Variants in AGBL4 observed in about 807,000 individuals in gnomAD.
AGBL4 encodes the protein cytosolic carboxypeptidase 6.
A neutral mutation model predicts 66.4 loss-of-function variants in AGBL4; 58 were observed. The ratio of observed to expected loss-of-function variants is 0.87; its 90% CI spans 0.71 to 1.09. The LOEUF is 1.09. Among genes scored for constraint, AGBL4 ranks in the 50% least tolerant of loss-of-function variants. The pLI, the probability that AGBL4 is intolerant of heterozygous loss-of-function variation, is 0.00. For missense variants in AGBL4, 579 were observed against 631.0 expected (o/e 0.92, Z 0.88); for synonymous variants, 234 against 222.9 (o/e 1.05, Z -0.44).
intron 1 of AGBL4, among the ~76,000 whole-genome samples, chr1:50,016,825 A>G (rs1662017663): frequency 1.3e-5 from 2 of 152,208 alleles, no homozygotes; most frequent in African/African-American, 4.8e-5. Flanking sequence ...AAAGGGGAAC[A>G]CATACACATA....
At chr1:49,084,372 A>G (rs1644860070) in intron 4 of AGBL4, among the ~76,000 whole-genome samples, 1 of 152,202 alleles carries the variant, frequency 6.6e-6, no homozygotes, top group Non-Finnish European at 1.5e-5. Flanking sequence ...TTTATAAAGG[A>G]AAGAGGTTTA....
intron 3 of AGBL4, among the ~76,000 whole-genome samples, chr1:49,386,267 G>GGA (rs1644734762): frequency 4.4e-5 from 1 of 22,898 alleles, no homozygotes; most frequent in Middle Eastern, 0.036. Context: ...ATGGATGGAT[G>GGA]TGTGTGTGTG....
chr1:49,574,596 C>T (rs1264307589), intron 3 of AGBL4, among the ~76,000 whole-genome samples: 8 of 152,022 alleles, frequency 5.3e-5, no homozygotes, highest in African/African-American at 1.9e-4. Flanking sequence ...TTTAAAGAGC[C>T]CTGTAATTGC....
chr1:50,023,892 A>G lies in AGBL4; in HGVS notation c.-96T>C. 7.2e-7 allele frequency: 1 copy of G among 1,388,452 alleles called. No homozygotes were observed. Among genetic ancestry groups the G allele is most frequent in the Non-Finnish European group, 9.6e-7 (1 of 1,037,164 alleles). The allele number at this position is 1,388,452 out of a possible 1,614,324, so 86.0% of individuals were successfully genotyped here. On this transcript the variant is annotated 5_prime_UTR_variant, in exon 1 of 14. Transcript: ENST00000371839. ...TGGGCTGACAGGAGCTACCTCAGGA[A>G]GACGCGGCACGACGGTTGCCTGGGC...
intron 2 of AGBL4, among the ~76,000 whole-genome samples, chr1:49,720,262 T>C (rs1312310427): frequency 6.6e-6 from 1 of 152,118 alleles, no homozygotes; most frequent in Non-Finnish European, 1.5e-5. Flanking sequence ...CAAATGCTCA[T>C]TAGAGCATTT....
intron 4 of AGBL4, among the ~76,000 whole-genome samples, chr1:49,079,364 T>A (rs1053866345): frequency 6.6e-6 from 1 of 152,126 alleles, no homozygotes; most frequent in African/African-American, 2.4e-5. Flanking sequence ...CCATGCCACA[T>A]GCCTGGGGAG....
At chr1:49,305,516 T>C (rs1425110635) in intron 3 of AGBL4, among the ~76,000 whole-genome samples, 5 of 152,194 alleles carry the variant, frequency 3.3e-5, no homozygotes, top group Non-Finnish European at 1.5e-5. Flanking sequence ...GGGACAACTG[T>C]ATTTGTTGAA....
intron 6 of AGBL4, among the ~76,000 whole-genome samples, chr1:48,680,914 G>T (rs1438701470): frequency 6.6e-6 from 1 of 152,184 alleles, no homozygotes. Flanking sequence ...ATGGGGCAAT[G>T]CTCTTCAACC....
At chr1:49,569,538 A>G (rs879350612) in intron 3 of AGBL4, among the ~76,000 whole-genome samples, 9 of 152,156 alleles carry the variant, frequency 5.9e-5, no homozygotes, top group Non-Finnish European at 1.2e-4. Flanking sequence ...TTAAAAAAGA[A>G]AGCATGCTTA....
chr1:49,332,752 T>C (rs1645360003), intron 3 of AGBL4, among the ~76,000 whole-genome samples: 1 of 152,224 alleles, frequency 6.6e-6, no homozygotes, highest in Admixed American at 6.5e-5. Context: ...AAAATTAATA[T>C]ATTATTTAAC....
At chr1:49,604,288 AC>A (rs1645023295) in intron 3 of AGBL4, among the ~76,000 whole-genome samples, 1 of 152,240 alleles carries the variant, frequency 6.6e-6, no homozygotes, top group Admixed American at 6.5e-5. Context: ...GTAACGTGGT[AC>A]CTCGTTGTTG....
chr1:49,738,528 G>A (rs776339454), intron 2 of AGBL4, among the ~76,000 whole-genome samples: 1 of 152,182 alleles, frequency 6.6e-6, no homozygotes, highest in Non-Finnish European at 1.5e-5. Flanking sequence ...AGACTTAAAT[G>A]TCCCTGTCTG....
chr1:48,669,142 A>C (rs539619387), intron 6 of AGBL4, among the ~76,000 whole-genome samples: 1 of 152,214 alleles, frequency 6.6e-6, no homozygotes, highest in Non-Finnish European at 1.5e-5. Context: ...CAGGTTCCAC[A>C]GAGTATTGAC....
At chr1:49,507,760 A>T (rs913132721) in intron 3 of AGBL4, among the ~76,000 whole-genome samples, 1 of 151,884 alleles carries the variant, frequency 6.6e-6, no homozygotes, top group African/African-American at 2.4e-5. Flanking sequence ...TGATTTTAAG[A>T]ATAAATATGA....
intron 1 of AGBL4, among the ~76,000 whole-genome samples, chr1:49,909,956 T>C (rs1650654662): frequency 1.3e-5 from 2 of 152,160 alleles, no homozygotes; most frequent in African/African-American, 4.8e-5. Flanking sequence ...TTGGGAAGCC[T>C]ATTAGATATC....
chr1:49,220,581 C>T (rs1463206642), intron 4 of AGBL4, among the ~76,000 whole-genome samples: 2 of 152,060 alleles, frequency 1.3e-5, no homozygotes, highest in Admixed American at 6.6e-5. Context: ...CCACCTATTG[C>T]CCACCACAAC....
intron 5 of AGBL4, among the ~76,000 whole-genome samples, chr1:49,008,728 C>G (rs1296426392): frequency 1.5e-5 from 2 of 135,046 alleles, no homozygotes; most frequent in Admixed American, 7.6e-5. Context: ...GAATCTCACT[C>G]AAAACCGCTC....
At chr1:49,056,419 G>A (rs1644310068) in intron 4 of AGBL4, among the ~76,000 whole-genome samples, 2 of 152,054 alleles carry the variant, frequency 1.3e-5, no homozygotes, top group African/African-American at 4.8e-5. Context: ...TTAAAATTAG[G>A]ATGGCCAGGG....
chr1:49,957,168 G>A (rs187375277), intron 1 of AGBL4, among the ~76,000 whole-genome samples: 44 of 152,068 alleles, frequency 2.9e-4, no homozygotes, highest in Non-Finnish European at 4.9e-4. Flanking sequence ...TTAAATAAGA[G>A]TGTAATTAAA....
Sources: gnomAD v4.1 joint callset for allele counts (sites outside exome capture counted in the v4.1 genomes callset) on GRCh38, gnomAD v4.1.1 for gene constraint, MANE v1.5 for transcripts, NCBI Gene and HGNC (gene_info 2026-07-23, HGNC 2026-07-21) for gene names.